SYT17: variants seen among roughly 807,000 people sequenced by gnomAD.
SYT17 encodes the protein synaptotagmin 17.
Under a neutral mutation model 46.7 loss-of-function variants are expected in SYT17, and 22 were observed. The observed-to-expected ratio is 0.47, with a 90% CI of 0.34 to 0.67. The LOEUF (loss-of-function observed/expected upper bound fraction) is 0.67, where lower values mean the gene tolerates loss of function less well. Ranked by LOEUF, SYT17 falls within the 30% of genes least tolerant of loss-of-function variation. The pLI is 0.01. For missense variants in SYT17, 519 were observed against 612.8 expected, an observed-to-expected ratio of 0.85 and a Z score of 1.62; for synonymous variants, 251 against 248.4, an observed-to-expected ratio of 1.01 and a Z score of -0.10.
At chr16:19,212,201 G>T (rs111926059) in intron 5 of SYT17, among the ~76,000 whole-genome samples, 216 of 152,242 alleles carry the variant, frequency 1.4e-3, no homozygotes, top group Non-Finnish European at 1.9e-3. Flanking sequence ...TTCCTGTAGC[G>T]CACAGGACAG....
chr16:19,179,069 A>G (rs1352901074), intron 3 of SYT17, among the ~76,000 whole-genome samples: 1 of 151,876 alleles, frequency 6.6e-6, no homozygotes, highest in Non-Finnish European at 1.5e-5. Flanking sequence ...TCAATCAATA[A>G]AAAATGTTTC....
At chr16:19,236,986 G>C (rs977806980) in intron 7 of SYT17, among the ~76,000 whole-genome samples, 9 of 152,190 alleles carry the variant, frequency 5.9e-5, no homozygotes, top group African/African-American at 2.2e-4. Flanking sequence ...CTAGCCAAGA[G>C]TCAAAGCCCC....
At chr16:19,188,013 A>G (rs993000494) in intron 5 of SYT17, among the ~76,000 whole-genome samples, 2 of 152,222 alleles carry the variant, frequency 1.3e-5, no homozygotes, top group African/African-American at 2.4e-5. Flanking sequence ...AAATTGTTCT[A>G]TTATAAAGAC....
intron 6 of SYT17, among the ~76,000 whole-genome samples, chr16:19,223,831 A>G (rs1966408287): frequency 6.6e-6 from 1 of 152,220 alleles, no homozygotes; most frequent in African/African-American, 2.4e-5. Context: ...AGAGGCTTAG[A>G]AAGGGCCAGT....
intron 5 of SYT17, among the ~76,000 whole-genome samples, chr16:19,194,887 C>T (rs1003523781): frequency 6.6e-6 from 1 of 152,220 alleles, no homozygotes; most frequent in Non-Finnish European, 1.5e-5. Context: ...TGTGAGCCAT[C>T]ACGCCCAGCC....
chr16:19,207,680 C>G (rs1429761453), intron 5 of SYT17, among the ~76,000 whole-genome samples: 1 of 152,114 alleles, frequency 6.6e-6, no homozygotes, highest in Non-Finnish European at 1.5e-5. Context: ...TATGTAAGGT[C>G]ACTACCCTCA....
intron 4 of SYT17, among the ~76,000 whole-genome samples, chr16:19,181,667 G>T (rs1388431649): frequency 6.7e-6 from 1 of 150,246 alleles, no homozygotes; most frequent in Non-Finnish European, 1.5e-5. Flanking sequence ...TGTTCTGTAA[G>T]TGCAAAATAC....
At chr16:19,222,089 A>G (rs1026562117) in intron 5 of SYT17, among the ~76,000 whole-genome samples, 1 of 152,216 alleles carries the variant, frequency 6.6e-6, no homozygotes, top group African/African-American at 2.4e-5. Context: ...CTCATCAGTT[A>G]AAGATGCATT....
chr16:19,174,887 G>A (rs549122082), intron 3 of SYT17, among the ~76,000 whole-genome samples: 1 of 152,256 alleles, frequency 6.6e-6, no homozygotes, highest in African/African-American at 2.4e-5. Context: ...GAGGCTGAGG[G>A]CAGGCGGATC....
intron 7 of SYT17, among the ~76,000 whole-genome samples, chr16:19,232,208 T>C (rs1265314854): frequency 6.6e-6 from 1 of 152,128 alleles, no homozygotes; most frequent in African/African-American, 2.4e-5. Flanking sequence ...TCATCAATAA[T>C]AACCAGTGCA....
chr16:19,189,174 C>T (rs1282062527), intron 5 of SYT17, among the ~76,000 whole-genome samples: 1 of 152,098 alleles, frequency 6.6e-6, no homozygotes, highest in African/African-American at 2.4e-5. Context: ...GCGTGAGCCA[C>T]GTCTTTTCTC....
rs1250557550 is a variant in SYT17, at chr16:19,240,987, G to A, written c.1228+16149G>A. On this transcript the variant is annotated intron_variant, in intron 7 of 7. Transcript: ENST00000355377. ...TTTTGAGACGGAGTCTCGCTCTGTC[G>A]CCCAGGCTGGAGTGCAGTGGCGGGA... is the stretch of plus-strand genomic sequence containing the variant. Among the ~76,000 whole-genome samples the A allele has an allele frequency of 7.7e-3, 991 of 128,710 alleles. 12 individuals are homozygous for A. Among genetic ancestry groups the A allele is most frequent in the African/African-American group, 0.028 (942 of 33,436 alleles). 84.4% of individuals were successfully genotyped at this position (128,710 alleles called of 152,430 possible).
chr16:19,184,791 T>A (rs923841523), intron 5 of SYT17, among the ~76,000 whole-genome samples: 2 of 152,200 alleles, frequency 1.3e-5, no homozygotes, highest in African/African-American at 4.8e-5. Flanking sequence ...GGTATAAAGC[T>A]ATCAATCATT....
intron 5 of SYT17, among the ~76,000 whole-genome samples, chr16:19,208,613 A>T (rs972662436): frequency 6.6e-6 from 1 of 152,162 alleles, no homozygotes; most frequent in African/African-American, 2.4e-5. Context: ...AAAATTCCAC[A>T]TGAGATTTGG....
chr16:19,253,956 T>C (rs531193039), intron 7 of SYT17, among the ~76,000 whole-genome samples: 25 of 152,336 alleles, frequency 1.6e-4, no homozygotes, highest in Admixed American at 3.9e-4. Context: ...CTCAAACTCC[T>C]GACCTCAGGT....
At chr16:19,253,917 T>C (rs1351603650) in intron 7 of SYT17, among the ~76,000 whole-genome samples, 1 of 152,056 alleles carries the variant, frequency 6.6e-6, no homozygotes, top group Non-Finnish European at 1.5e-5. Flanking sequence ...TTAGTAGAGA[T>C]GGGGTTTCAC....
rs994142588 is a variant in SYT17, at chr16:19,168,985, G to C, written c.15+324G>C. ...CTCCTTGGCACCCCACCCCAGGGGAGGGGCCGTGGGGAGGGCGGCCCGGGG... is the reference window on the plus strand; with the variant it reads ...CTCCTTGGCACCCCACCCCAGGGGACGGGCCGTGGGGAGGGCGGCCCGGGG... On this transcript the variant is annotated intron_variant, in intron 1 of 7. Transcript: ENST00000355377. This position sits in a 1 kb window ranked among gnomAD's most constrained non-coding sequence, Gnocchi z 6.9. Among the ~76,000 whole-genome samples the C allele has an allele frequency of 6.6e-6, 1 of 151,728 alleles. No homozygotes were observed. Among genetic ancestry groups the C allele is most frequent in the African/African-American group, 2.4e-5 (1 of 41,344 alleles).
intron 5 of SYT17, among the ~76,000 whole-genome samples, chr16:19,206,710 C>T (rs229014): frequency 0.22 from 33,858 of 152,000 alleles, 4,044 homozygotes; most frequent in Non-Finnish European, 0.26. Context: ...TCCCTCCAGC[C>T]TCCACCTCTG....
intron 7 of SYT17, among the ~76,000 whole-genome samples, chr16:19,232,153 G>A (rs1012722744): frequency 6.6e-6 from 1 of 152,190 alleles, no homozygotes; most frequent in Non-Finnish European, 1.5e-5. Flanking sequence ...CCCACACCCT[G>A]CTGCCTGCTG....
Sources: allele counts gnomAD v4.1 joint callset (sites outside exome capture counted in the v4.1 genomes callset), GRCh38; gene constraint gnomAD v4.1.1; non-coding constraint Gnocchi (gnomAD v3.1); transcripts MANE v1.5; gene names NCBI Gene and HGNC (gene_info 2026-07-23, HGNC 2026-07-21).